The following SORBS2 variants were observed in gnomAD, a reference collection of about 807,000 sequenced individuals.
SORBS2 encodes the protein sorbin and SH3 domain containing 2, also known as sorbin and SH3 domain-containing protein 2.
A neutral mutation model predicts 97.7 loss-of-function variants in SORBS2; 46 were observed. The observed-to-expected ratio is 0.47, with a 90% CI of 0.37 to 0.60. The LOEUF is 0.60. Among genes scored for constraint, SORBS2 ranks in the 20% least tolerant of loss-of-function variants. The pLI is 0.00. For missense variants in SORBS2, 1,316 were observed against 1,282.3 expected (o/e 1.03, Z -0.40); for synonymous variants, 476 against 473.4 (o/e 1.01, Z -0.07).
intron 4 of SORBS2, among the ~76,000 whole-genome samples, chr4:185,636,936 C>T (rs1581507341): frequency 6.6e-6 from 1 of 152,188 alleles, no homozygotes; most frequent in Non-Finnish European, 1.5e-5. Flanking sequence ...TGTGAGCCAC[C>T]GTGCTCGGCC....
intron 2 of SORBS2, among the ~76,000 whole-genome samples, chr4:185,752,858 C>T (rs1262039360): frequency 1.3e-5 from 2 of 152,196 alleles, no homozygotes; most frequent in African/African-American, 2.4e-5. Flanking sequence ...CCTGAAGAAT[C>T]TGTATCCCTT....
At chr4:185,646,827 T>G in intron 3 of SORBS2, 45 bp from the exon 13 acceptor site, 1 of 1,117,278 alleles carries the variant, frequency 9.0e-7, no homozygotes, top group East Asian at 2.3e-5. Flanking sequence ...TCCTTTTTGC[T>G]TAAAGCAATT....
chr4:185,718,318 A>G (rs1010889556), intron 2 of SORBS2, among the ~76,000 whole-genome samples: 1 of 152,204 alleles, frequency 6.6e-6, no homozygotes, highest in African/African-American at 2.4e-5. Flanking sequence ...CATTTTCATT[A>G]TTATTATTAG....
chr4:185,943,727 A>G (rs897877452), intron 1 of SORBS2, among the ~76,000 whole-genome samples: 22 of 152,348 alleles, frequency 1.4e-4, no homozygotes, highest in Admixed American at 7.8e-4. Context: ...AAAGACTAAA[A>G]GTGAAATGGA....
intron 2 of SORBS2, 124 bp downstream of exon 2, chr4:185,775,103 C>T (rs1346004115): frequency 2.0e-5 from 3 of 152,292 alleles, no homozygotes; most frequent in Non-Finnish European, 4.4e-5. Flanking sequence ...TCTGGAACAC[C>T]GTGTTTACCT....
At chr4:185,744,697 A>G (rs1381488841) in intron 2 of SORBS2, among the ~76,000 whole-genome samples, 5 of 152,242 alleles carry the variant, frequency 3.3e-5, no homozygotes, top group Non-Finnish European at 5.9e-5. Flanking sequence ...TGAACTGACA[A>G]TGTCCAAGTC....
At chr4:185,677,636 T>A in intron 4 of SORBS2, 1 of 1,502,660 alleles carries the variant, frequency 6.7e-7, no homozygotes, top group Non-Finnish European at 8.9e-7. Context: ...GTGGAGGGGG[T>A]GCCTGGATTG....
intron 1 of SORBS2, among the ~76,000 whole-genome samples, chr4:185,653,120 T>C (rs2153462462): frequency 6.6e-6 from 1 of 152,380 alleles, no homozygotes; most frequent in African/African-American, 2.4e-5. Context: ...TTTTATTGAA[T>C]GTTCTGTAAG....
intron 1 of SORBS2, among the ~76,000 whole-genome samples, chr4:185,893,729 TA>T (rs2099243620): frequency 1.3e-5 from 2 of 152,136 alleles, no homozygotes; most frequent in African/African-American, 4.8e-5. Context: ...GAACAGGGGC[TA>T]GGGGTTCCCC....
intron 1 of SORBS2, among the ~76,000 whole-genome samples, chr4:185,861,704 C>T (rs1479033701): frequency 6.6e-6 from 1 of 151,648 alleles, no homozygotes; most frequent in African/African-American, 2.4e-5. Context: ...CACCCAGGTT[C>T]AAGCGATCCT....
At chr4:185,803,948 C>T (rs2099142260) in intron 1 of SORBS2, among the ~76,000 whole-genome samples, 1 of 152,162 alleles carries the variant, frequency 6.6e-6, no homozygotes, top group Admixed American at 6.5e-5. Flanking sequence ...TCTTAACTGT[C>T]AGACATAACT....
chr4:185,695,581 A>G (rs1245534283), intron 2 of SORBS2, among the ~76,000 whole-genome samples: 1 of 152,026 alleles, frequency 6.6e-6, no homozygotes, highest in Non-Finnish European at 1.5e-5. Flanking sequence ...ACCAGATTTT[A>G]ACTTGAATTT....
chr4:185,768,506 C>G (rs941041549), intron 2 of SORBS2, among the ~76,000 whole-genome samples: 9 of 151,898 alleles, frequency 5.9e-5, no homozygotes, highest in Admixed American at 5.2e-4. Flanking sequence ...AGCCTGGCAG[C>G]CTGGGCAACA....
At chr4:185,699,338 G>T (rs2098225384) in intron 2 of SORBS2, among the ~76,000 whole-genome samples, 1 of 147,264 alleles carries the variant, frequency 6.8e-6, no homozygotes, top group Admixed American at 6.8e-5. Flanking sequence ...CCAGGGTGGA[G>T]TGCAGTGGTG....
At chr4:185,731,032 A>G (rs915330530) in intron 2 of SORBS2, among the ~76,000 whole-genome samples, 1 of 152,118 alleles carries the variant, frequency 6.6e-6, no homozygotes, top group Non-Finnish European at 1.5e-5. Flanking sequence ...GCAAATGACT[A>G]TTTTCTAGGT....
intron 2 of SORBS2, among the ~76,000 whole-genome samples, chr4:185,766,853 G>A (rs1183630871): frequency 2.0e-5 from 3 of 152,100 alleles, no homozygotes; most frequent in Non-Finnish European, 4.4e-5. Flanking sequence ...CATGCTGTAC[G>A]TGTGTTTTTC....
intron 1 of SORBS2, among the ~76,000 whole-genome samples, chr4:185,799,734 C>T (rs1044433902): frequency 4.6e-5 from 7 of 152,168 alleles, no homozygotes; most frequent in African/African-American, 1.7e-4. Context: ...ACCTTCTTTG[C>T]GTCAGATGCA....
chr4:185,662,095 A>G lies in SORBS2; in HGVS notation c.94+9T>C, dbSNP rs768437942. On this transcript the variant is annotated intron_variant, in intron 5 of 20. Coordinates refer to the SORBS2 transcript ENST00000284776. ...TTGCCATGGAAATCACGGTGAGTAA[A>G]TTACTTACCGAGGGATGTGCCGTGC... is the stretch of plus-strand genomic sequence containing the variant. The G allele has an allele frequency of 4.3e-6, 7 of 1,613,644 alleles. No individual in the cohort carries two copies. The Admixed American group carries it at 1.2e-4, about 27-fold the overall frequency.
intron 4 of SORBS2, chr4:185,665,929 G>C: frequency 1.6e-6 from 2 of 1,221,738 alleles, no homozygotes; most frequent in Non-Finnish European, 2.1e-6. Flanking sequence ...CAGAGAGCCT[G>C]TGTCGTGGCT....
Sources: gnomAD v4.1 joint callset for allele counts (sites outside exome capture counted in the v4.1 genomes callset) on GRCh38, gnomAD v4.1.1 for gene constraint, MANE v1.5 for transcripts, NCBI Gene and HGNC (gene_info 2026-07-23, HGNC 2026-07-21) for gene names.